SELENOI: variants seen among roughly 807,000 people sequenced by gnomAD.
The protein encoded by SELENOI is selenoprotein I.
In SELENOI, 24 loss-of-function variants were observed where a neutral mutation model predicts 50.7. The ratio of observed to expected loss-of-function variants is 0.47; its 90% CI spans 0.34 to 0.67. The LOEUF (loss-of-function observed/expected upper bound fraction) is 0.67, where lower values mean the gene tolerates loss of function less well. Ranked by LOEUF, SELENOI falls within the 30% of genes least tolerant of loss-of-function variation. The pLI is 0.01. For missense variants in SELENOI, 352 were observed against 461.4 expected (o/e 0.76, Z 2.17); for synonymous variants, 155 against 170.2 (o/e 0.91, Z 0.70).
chr2:26,367,550 A>AAATAGTTG (rs1677312275), intron 4 of SELENOI, among the ~76,000 whole-genome samples: 1 of 152,214 alleles, frequency 6.6e-6, no homozygotes. Context: ...TGCTATAAAG[A>AAATAGTTG]CACAGTTGAA....
intron 7 of SELENOI, among the ~76,000 whole-genome samples, chr2:26,384,719 A>G (rs902404532): frequency 2.0e-5 from 3 of 152,240 alleles, no homozygotes; most frequent in Admixed American, 6.5e-5. Context: ...ATTAGAGGTC[A>G]GAAGATTTCA....
chr2:26,362,743 G>A (rs776233157), intron 1 of SELENOI, among the ~76,000 whole-genome samples: 7 of 151,532 alleles, frequency 4.6e-5, no homozygotes, highest in Non-Finnish European at 7.4e-5. Flanking sequence ...GTGACAGAGC[G>A]ACTCTGTCTC....
At chr2:26,384,822 T>C (rs1572337720) in intron 7 of SELENOI, 137 bp from the exon 8 acceptor site, 1 of 543,586 alleles carries the variant, frequency 1.8e-6, no homozygotes, top group East Asian at 3.3e-5. Context: ...GGATTAATGA[T>C]GTTGGTTCTG....
At position 26,389,202 on chromosome 2, in the gene SELENOI, A is replaced by C; in HGVS notation, c.*99A>C. On this transcript the variant is annotated 3_prime_UTR_variant, in exon 10 of 10. Transcript: ENST00000260585. ...GACTGATCTGCTTGACAGACGTGGG[A>C]TCTCAGTATGGTACTTGGACAGCAG... The C allele has an allele frequency of 6.4e-6, 6 of 937,030 alleles. No homozygotes were observed. Among genetic ancestry groups the C allele is most frequent in the Non-Finnish European group, 1.0e-5 (6 of 602,954 alleles). The allele number at this position is 937,030 out of a possible 1,614,324, so 58.0% of individuals were successfully genotyped here.
chr2:26,364,789 A>G (rs1677252586), intron 2 of SELENOI, 43 bp from the exon 3 acceptor site: 2 of 1,399,104 alleles, frequency 1.4e-6, no homozygotes, highest in Non-Finnish European at 2.0e-6. Flanking sequence ...TTGGACAGAG[A>G]TTCCTCTACT....
intron 3 of SELENOI, among the ~76,000 whole-genome samples, chr2:26,366,615 C>G (rs1431278816): frequency 6.6e-6 from 1 of 152,138 alleles, no homozygotes; most frequent in Non-Finnish European, 1.5e-5. Flanking sequence ...CCTAGACTTT[C>G]TGATTCTCAG....
chr2:26,370,689 C>T lies in SELENOI; in HGVS notation c.311-2678C>T, dbSNP rs1380828268. On this transcript the variant is annotated intron_variant, in intron 4 of 9. Coordinates refer to ENST00000260585, the MANE Select transcript of SELENOI (RefSeq NM_033505.4). ...CTCCTCACGTCCCAGTAGGGGCCAC[C>T]GGGCAGAGGCGCCCCTCACCTCCCG... Among the ~76,000 whole-genome samples, 20 of 122,410 alleles carry T rather than the reference C, an allele frequency of 1.6e-4. No homozygotes were observed. In the South Asian group the frequency reaches 4.7e-3, roughly 29 times the overall value. The allele number at this position is 122,410 out of a possible 152,430, so 80.3% of individuals were successfully genotyped here.
intron 9 of SELENOI, 147 bp downstream of exon 9, chr2:26,386,683 T>C: frequency 1.7e-6 from 1 of 603,314 alleles, no homozygotes; most frequent in East Asian, 3.2e-5. Context: ...ATTCTCTAAA[T>C]TTTGGATAAT....
At chr2:26,354,986 A>G (rs1677035991) in intron 1 of SELENOI, among the ~76,000 whole-genome samples, 1 of 152,222 alleles carries the variant, frequency 6.6e-6, no homozygotes, top group Non-Finnish European at 1.5e-5. Context: ...AAAAGTTTCC[A>G]CATACCAGCT....
intron 1 of SELENOI, among the ~76,000 whole-genome samples, chr2:26,353,086 T>C (rs892182744): frequency 2.0e-5 from 3 of 152,122 alleles, no homozygotes; most frequent in African/African-American, 7.2e-5. Flanking sequence ...GGAGGTGGTG[T>C]AGAGGGCCAC....
intron 6 of SELENOI, among the ~76,000 whole-genome samples, chr2:26,375,663 T>A (rs1677552363): frequency 6.6e-6 from 1 of 152,148 alleles, no homozygotes; most frequent in Non-Finnish European, 1.5e-5. Flanking sequence ...ATCTGTAGGA[T>A]GATTGACTGA....
At chr2:26,357,147 G>A (rs1019059908) in intron 1 of SELENOI, among the ~76,000 whole-genome samples, 3 of 152,090 alleles carry the variant, frequency 2.0e-5, no homozygotes, top group Non-Finnish European at 4.4e-5. Context: ...TGCCTCAGAA[G>A]GTCCCCATCA....
intron 6 of SELENOI, among the ~76,000 whole-genome samples, chr2:26,377,832 C>T (rs1037282927): frequency 6.6e-6 from 1 of 151,976 alleles, no homozygotes; most frequent in Non-Finnish European, 1.5e-5. Flanking sequence ...TTTCTGTTGA[C>T]TGCTTTTTTT....
intron 6 of SELENOI, among the ~76,000 whole-genome samples, chr2:26,378,568 C>T (rs1212652299): frequency 1.3e-5 from 2 of 152,226 alleles, no homozygotes; most frequent in Non-Finnish European, 2.9e-5. Context: ...TTATCTGCTT[C>T]CATAAGCTGG....
In SELENOI at chr2:26,389,057, C is replaced by A; in HGVS notation, c.1148C>A (p.Pro383Gln). Residue 383 changes from proline (P) to glutamine (Q), a missense_variant, in exon 10 of 10, where the codon CCA (proline) becomes CAA (glutamine). Pro to Gln is a moderately conservative substitution (Grantham distance 76). Coordinates refer to ENST00000260585, the MANE Select transcript of SELENOI (RefSeq NM_033505.4). ...ATTTACCCCTTCTCATTGAGGAAAC[C>A]AAACTCAGATTGACTAGGAATGGAA... ...FQIYPFSLRKPNSDULGMEEK... is the reference protein window; with the variant it reads ...FQIYPFSLRKQNSDULGMEEK... The A allele has an allele frequency of 1.9e-6, 3 of 1,589,028 alleles. No individual in the cohort carries two copies. The highest frequency in any genetic ancestry group is 1.8e-5 in the Admixed American group (1 of 56,536).
intron 1 of SELENOI, among the ~76,000 whole-genome samples, chr2:26,353,478 A>G (rs1388626060): frequency 6.6e-6 from 1 of 152,180 alleles, no homozygotes; most frequent in Non-Finnish European, 1.5e-5. Context: ...CTACAATACA[A>G]TATGTTAATT....
At chr2:26,374,673 A>C (rs891566879) in intron 5 of SELENOI, among the ~76,000 whole-genome samples, 1 of 149,238 alleles carries the variant, frequency 6.7e-6, no homozygotes, top group Non-Finnish European at 1.5e-5. Context: ...GGTTCAGGCG[A>C]TTCTTCCGCC....
intron 8 of SELENOI, among the ~76,000 whole-genome samples, chr2:26,386,077 C>T (rs958740819): frequency 3.3e-5 from 5 of 151,784 alleles, no homozygotes; most frequent in South Asian, 2.1e-4. Context: ...TTCTTTTATT[C>T]AAACTGTTGC....
chr2:26,366,420 A>G (rs1052744116), intron 3 of SELENOI, among the ~76,000 whole-genome samples: 1 of 152,136 alleles, frequency 6.6e-6, no homozygotes, highest in African/African-American at 2.4e-5. Flanking sequence ...TCTAAATAAG[A>G]TTATTTACTT....
Sources: gnomAD v4.1 joint callset for allele counts (sites outside exome capture counted in the v4.1 genomes callset) on GRCh38, gnomAD v4.1.1 for gene constraint, MANE v1.5 for transcripts, NCBI Gene and HGNC (gene_info 2026-07-23, HGNC 2026-07-21) for gene names.